Variants in CRACDL observed in about 807,000 individuals in gnomAD.
The protein encoded by CRACDL is CRACD like.
In CRACDL, 26 loss-of-function variants were observed where a neutral mutation model predicts 70.6. The ratio of observed to expected loss-of-function variants is 0.37; its 90% CI spans 0.27 to 0.51. The LOEUF (loss-of-function observed/expected upper bound fraction) is 0.51, where lower values mean the gene tolerates loss of function less well. Among genes scored for constraint, CRACDL ranks in the 20% least tolerant of loss-of-function variants. CRACDL has a pLI of 0.94. For missense variants in CRACDL, 1,283 were observed against 1,376.9 expected, an observed-to-expected ratio of 0.93 and a Z score of 1.08; for synonymous variants, 618 against 615.2, an observed-to-expected ratio of 1.00 and a Z score of -0.07.
At chr2:98,883,397 G>C (rs1707709829) in intron 1 of CRACDL, among the ~76,000 whole-genome samples, 1 of 152,224 alleles carries the variant, frequency 6.6e-6, no homozygotes, top group Non-Finnish European at 1.5e-5. Context: ...TTGGGTGCTG[G>C]AGGCTGGAAG....
intron 1 of CRACDL, among the ~76,000 whole-genome samples, chr2:98,901,451 C>T (rs1040577013): frequency 2.6e-5 from 4 of 152,194 alleles, no homozygotes; most frequent in Non-Finnish European, 5.9e-5. Flanking sequence ...GAGCTCAGAG[C>T]CCTGAAGGGC....
chr2:98,795,055 A>T (rs766358618), intron 9 of CRACDL, among the ~76,000 whole-genome samples: 708 of 38,896 alleles, frequency 0.018, 133 homozygotes, highest in African/African-American at 0.052. Flanking sequence ...ATATATATAT[A>T]TATATATATA....
rs117592945 is a variant in CRACDL at position 98,926,646 on chromosome 2, G to A, written c.-11+9292C>T. On this transcript the variant is annotated intron_variant, in intron 1 of 9. Transcript: ENST00000397899. ...CCGAAAATACAATGATCCACTCAGA[G>A]GGGCAGCTTGGAACTCTACAGACAC... Among the ~76,000 whole-genome samples, 122 of 152,300 alleles carry A rather than the reference G, an allele frequency of 8.0e-4. 2 individuals carry two copies. In the East Asian group the frequency reaches 0.019, roughly 24 times the overall value.
chr2:98,829,329 C>T (rs1379963494), intron 5 of CRACDL, among the ~76,000 whole-genome samples: 1 of 152,250 alleles, frequency 6.6e-6, no homozygotes, highest in African/African-American at 2.4e-5. Flanking sequence ...TACAAGCTCT[C>T]CCTAACTAGG....
intron 1 of CRACDL, among the ~76,000 whole-genome samples, chr2:98,869,921 T>C (rs1707284319): frequency 6.6e-6 from 1 of 152,162 alleles, no homozygotes; most frequent in Non-Finnish European, 1.5e-5. Flanking sequence ...ACTGATGGGA[T>C]TTCCAGCCCT....
At chr2:98,926,459 C>A (rs998827266) in intron 1 of CRACDL, among the ~76,000 whole-genome samples, 2 of 152,228 alleles carry the variant, frequency 1.3e-5, no homozygotes, top group Non-Finnish European at 2.9e-5. Flanking sequence ...AACAGTCCAT[C>A]TCTGAAGGGG....
intron 1 of CRACDL, among the ~76,000 whole-genome samples, chr2:98,852,320 C>T (rs1706512443): frequency 6.6e-6 from 1 of 152,258 alleles, no homozygotes; most frequent in South Asian, 2.1e-4. Context: ...CTGCTCACTG[C>T]AGGAGAGACA....
chr2:98,816,504 T>C (rs774120087), intron 7 of CRACDL, among the ~76,000 whole-genome samples: 7 of 152,288 alleles, frequency 4.6e-5, no homozygotes, highest in South Asian at 4.1e-4. Context: ...GGAGGTGGCA[T>C]TGACAAATGG....
At chr2:98,935,833 C>A (rs1056927213) in intron 1 of CRACDL, 105 bp downstream of exon 1, 19 of 152,314 alleles carry the variant, frequency 1.2e-4, no homozygotes, top group African/African-American at 3.8e-4. Context: ...CTGCCCTCGA[C>A]CCCCTAGCCC....
chr2:98,805,986 G>A lies in CRACDL; in HGVS notation c.2417-8449C>T, dbSNP rs1347655269. Among the ~76,000 whole-genome samples the A allele has an allele frequency of 7.2e-5, 11 of 152,388 alleles. 1 individual carries two copies. The South Asian group carries it at 1.9e-3, about 26-fold the overall frequency. On this transcript the variant is annotated intron_variant, in intron 7 of 9. Transcript: ENST00000397899. ...TAGCACGCTTCTATCATTAAAAGGC[G>A]AGGGAGTGAGGGCCCAGAGGGGCCG...
rs561118153 is a variant in CRACDL at position 98,890,167 on chromosome 2, T to G, written c.-10-43357A>C. The stretch of plus-strand genomic sequence containing the variant: ...ACAATAATAAAGATTAGAGAAGAAA[T>G]TAATAAAATTGAGAGTAGAAAAACA... On this transcript the variant is annotated intron_variant, in intron 1 of 9. Coordinates refer to ENST00000397899, the MANE Select transcript of CRACDL (RefSeq NM_207362.3). Among the ~76,000 whole-genome samples the G allele has an allele frequency of 3.3e-5, 5 of 151,872 alleles. No individual in the cohort carries two copies. In the East Asian group the frequency reaches 9.7e-4, roughly 29 times the overall value.
intron 1 of CRACDL, among the ~76,000 whole-genome samples, chr2:98,890,783 G>A (rs1017926225): frequency 5.2e-4 from 79 of 152,300 alleles, no homozygotes; most frequent in African/African-American, 1.8e-3. Flanking sequence ...GGGGCTGGGC[G>A]TGGTGGCTCA....
At chr2:98,795,075 A>ATTTTTTTTTTTTTTTTTTTT (rs1310155610) in intron 9 of CRACDL, among the ~76,000 whole-genome samples, 1 of 24,456 alleles carries the variant, frequency 4.1e-5, no homozygotes, top group South Asian at 2.9e-3. Flanking sequence ...ATATATATAT[A>ATTTTTTTTTTTTTTTTTTTT]TATTTTTTTT....
At chr2:98,811,531 A>AG (rs1704562027) in intron 7 of CRACDL, among the ~76,000 whole-genome samples, 1 of 151,596 alleles carries the variant, frequency 6.6e-6, no homozygotes, top group South Asian at 2.1e-4. Flanking sequence ...AAAAAAAAAA[A>AG]AAAAAAAAGA....
chr2:98,897,245 G>C (rs1340970171), intron 1 of CRACDL: 1 of 405,026 alleles, frequency 2.5e-6, no homozygotes, highest in Non-Finnish European at 4.6e-6. Context: ...TTCACAAAGT[G>C]TGATGCTTTT....
intron 1 of CRACDL, among the ~76,000 whole-genome samples, chr2:98,874,895 G>C (rs1260238573): frequency 6.6e-6 from 1 of 152,032 alleles, no homozygotes; most frequent in African/African-American, 2.4e-5. Context: ...GGCAACCTAG[G>C]CTCACCCCGA....
At chr2:98,913,785 T>A (rs1361811880) in intron 1 of CRACDL, among the ~76,000 whole-genome samples, 1 of 152,108 alleles carries the variant, frequency 6.6e-6, no homozygotes, top group Non-Finnish European at 1.5e-5. Flanking sequence ...ATTCAGGCAA[T>A]CCTTTTCTTG....
rs1423885595 is a variant in CRACDL at position 98,823,568 on chromosome 2, G to A, written c.736-31C>T. On this transcript the variant is annotated intron_variant, in intron 6 of 9. Coordinates refer to ENST00000397899, the MANE Select transcript of CRACDL (RefSeq NM_207362.3). The surrounding 1 kb of genome is among the most constrained non-coding windows in gnomAD (Gnocchi z 4.0). ...AGAAATAAAGATAAAAAGCATCGTCGCTATAGCCAATTCCAGGAAGCCTGT... is the reference window on the plus strand; with the variant it reads ...AGAAATAAAGATAAAAAGCATCGTCACTATAGCCAATTCCAGGAAGCCTGT... 2 of 1,539,982 alleles carry A rather than the reference G, an allele frequency of 1.3e-6. No individual in the cohort carries two copies. Among genetic ancestry groups the A allele is most frequent in the African/African-American group, 1.4e-5 (1 of 73,148 alleles).
intron 7 of CRACDL, among the ~76,000 whole-genome samples, chr2:98,816,902 CCT>C (rs771445311): frequency 4.4e-4 from 67 of 152,310 alleles, no homozygotes; most frequent in Middle Eastern, 6.8e-3. Flanking sequence ...ATTAACACCC[CCT>C]GTTCACTGAG....
Sources: gnomAD v4.1 joint callset for allele counts (sites outside exome capture counted in the v4.1 genomes callset) on GRCh38, gnomAD v4.1.1 for gene constraint, Gnocchi (gnomAD v3.1) non-coding constraint, MANE v1.5 for transcripts, NCBI Gene and HGNC (gene_info 2026-07-23, HGNC 2026-07-21) for gene names.